The following KCNH5 variants were observed in gnomAD, a reference collection of about 807,000 sequenced individuals.
The protein encoded by KCNH5 is potassium voltage-gated channel subfamily H member 5, also known as voltage-gated delayed rectifier potassium channel KCNH5.
In KCNH5, 46 loss-of-function variants were observed where a neutral mutation model predicts 96.1. The ratio of observed to expected loss-of-function variants is 0.48; its 90% CI spans 0.38 to 0.61. KCNH5 has a LOEUF of 0.61. KCNH5 is among the 20% of genes least tolerant of loss of function. The probability of loss-of-function intolerance (pLI) is 0.00; values close to 1 mark genes in which losing one functional copy is unlikely to be tolerated. For missense variants in KCNH5, 907 were observed against 1,225.8 expected, an observed-to-expected ratio of 0.74 and a Z score of 3.88; for synonymous variants, 439 against 449.8, an observed-to-expected ratio of 0.98 and a Z score of 0.30.
intron 1 of KCNH5, among the ~76,000 whole-genome samples, chr14:63,023,361 T>C (rs2139614818): frequency 6.6e-6 from 1 of 152,336 alleles, no homozygotes; most frequent in Admixed American, 6.5e-5. Context: ...ATTATATGAA[T>C]AAGCCAATGA....
chr14:62,976,462 G>GGAGT (rs759011015), intron 6 of KCNH5, among the ~76,000 whole-genome samples: 3 of 150,732 alleles, frequency 2.0e-5, no homozygotes, highest in Admixed American at 2.0e-4. Context: ...CTGAATAAAA[G>GGAGT]GAGTTCCAGA....
chr14:62,740,177 A>G (rs1885241735), intron 10 of KCNH5, among the ~76,000 whole-genome samples: 1 of 152,204 alleles, frequency 6.6e-6, no homozygotes, highest in Admixed American at 6.5e-5. Flanking sequence ...TAAGATATCA[A>G]TGAATGTTTG....
Position 62,892,679 on chromosome 14 carries a change from G to T in KCNH5, c.1370-42827C>A, listed in dbSNP as rs1052641968. On this transcript the variant is annotated intron_variant, in intron 7 of 10. Coordinates refer to ENST00000322893, the MANE Select transcript of KCNH5 (RefSeq NM_139318.5). Reference sequence around the variant, plus strand: ...CTTGTCAGTAGTTAATGCAGCCAGTGACTTCATCTTGAAGCCAGAGCTCAC... The same window carrying T: ...CTTGTCAGTAGTTAATGCAGCCAGTTACTTCATCTTGAAGCCAGAGCTCAC... Among the ~76,000 whole-genome samples, 3 of 152,164 alleles carry T rather than the reference G, an allele frequency of 2.0e-5. 1 individual carries two copies. In the South Asian group the frequency reaches 6.2e-4, roughly 32 times the overall value.
At chr14:62,763,603 C>T (rs1434679191) in intron 10 of KCNH5, among the ~76,000 whole-genome samples, 2 of 152,020 alleles carry the variant, frequency 1.3e-5, no homozygotes, top group Non-Finnish European at 2.9e-5. Context: ...AAAGTTTTTC[C>T]TTTGAAAGAA....
chr14:62,899,856 TAA>T (rs1396810049), intron 7 of KCNH5, among the ~76,000 whole-genome samples: 1 of 151,636 alleles, frequency 6.6e-6, no homozygotes, highest in East Asian at 1.9e-4. Flanking sequence ...AAAATTGAAT[TAA>T]AAAAATTTTT....
At chr14:63,004,799 C>T (rs1891095643) in intron 3 of KCNH5, among the ~76,000 whole-genome samples, 1 of 152,034 alleles carries the variant, frequency 6.6e-6, no homozygotes, top group Non-Finnish European at 1.5e-5. Context: ...CAGGGTCTTG[C>T]TATGTCACCT....
At chr14:62,811,130 A>G (rs1247808124) in intron 8 of KCNH5, among the ~76,000 whole-genome samples, 1 of 152,198 alleles carries the variant, frequency 6.6e-6, no homozygotes, top group Non-Finnish European at 1.5e-5. Context: ...CAAATTCTTT[A>G]TGATATTCAC....
chr14:62,865,536 C>T (rs191696722), intron 7 of KCNH5, among the ~76,000 whole-genome samples: 23 of 152,180 alleles, frequency 1.5e-4, no homozygotes, highest in African/African-American at 5.5e-4. Context: ...AATCACAGGA[C>T]AGAGTGGCTA....
At chr14:62,724,477 C>T (rs1351020041) in intron 10 of KCNH5, among the ~76,000 whole-genome samples, 1 of 152,196 alleles carries the variant, frequency 6.6e-6, no homozygotes, top group African/African-American at 2.4e-5. Flanking sequence ...CCTAAGGTAA[C>T]TTCTTGCTAA....
At chr14:62,761,743 T>C (rs1054987899) in intron 10 of KCNH5, among the ~76,000 whole-genome samples, 9 of 152,010 alleles carry the variant, frequency 5.9e-5, no homozygotes, top group Non-Finnish European at 7.4e-5. Context: ...AAACGAGCCA[T>C]AAAATGTGGT....
intron 7 of KCNH5, among the ~76,000 whole-genome samples, chr14:62,895,845 T>C (rs1166971631): frequency 1.3e-5 from 2 of 152,172 alleles, no homozygotes; most frequent in African/African-American, 4.8e-5. Context: ...GGAACACCTC[T>C]ATGTAGCACA....
At position 62,771,000 on chromosome 14, in the gene KCNH5, A is replaced by G. The variant is rs539063322; in HGVS notation, c.2019+8728T>C. 3.9e-5 allele frequency among the ~76,000 whole-genome samples: 6 copies of G among 152,228 alleles called. No individual in the cohort carries two copies. The East Asian group carries it at 1.2e-3, about 30-fold the overall frequency. ...GTCATAATGATGAGGCTCTGATCCAATAGGACTTGTGTCTTTATAACAAGA... is the reference window on the plus strand; with the variant it reads ...GTCATAATGATGAGGCTCTGATCCAGTAGGACTTGTGTCTTTATAACAAGA... On this transcript the variant is annotated intron_variant, in intron 10 of 10. Coordinates refer to ENST00000322893, the MANE Select transcript of KCNH5 (RefSeq NM_139318.5).
chr14:62,978,016 CG>C (rs1314417800), intron 6 of KCNH5, among the ~76,000 whole-genome samples: 4 of 152,112 alleles, frequency 2.6e-5, no homozygotes, highest in African/African-American at 9.7e-5. Flanking sequence ...CAGACACTGA[CG>C]GGGAAGAGCC....
At chr14:62,908,782 A>ATTTTTTTTTTGT (rs1889082213) in intron 7 of KCNH5, among the ~76,000 whole-genome samples, 1 of 23,712 alleles carries the variant, frequency 4.2e-5, no homozygotes, top group Non-Finnish European at 7.0e-5. Flanking sequence ...TTTGCTTTGT[A>ATTTTTTTTTTGT]TTTTTTTTTT....
At position 62,890,481 on chromosome 14, in the gene KCNH5, G is replaced by A. The variant is rs369170646; in HGVS notation, c.1370-40629C>T. 4.3e-4 allele frequency among the ~76,000 whole-genome samples: 65 copies of A among 151,892 alleles called. 3 individuals are homozygous for A. The South Asian group carries it at 8.5e-3, about 20-fold the overall frequency. ...GAGGCCGAGGCGGGCGGATCACGAG[G>A]TCAGGAGATCGAGACCATCCCGGCT... On this transcript the variant is annotated intron_variant, in intron 7 of 10. Coordinates refer to ENST00000322893, the MANE Select transcript of KCNH5 (RefSeq NM_139318.5).
intron 9 of KCNH5, among the ~76,000 whole-genome samples, chr14:62,798,896 C>T (rs1314035045): frequency 6.6e-6 from 1 of 152,122 alleles, no homozygotes; most frequent in Admixed American, 6.5e-5. Flanking sequence ...AAATAACCTC[C>T]CTTCTCTACC....
At chr14:62,884,629 AAAAG>A (rs963486275) in intron 7 of KCNH5, among the ~76,000 whole-genome samples, 1 of 152,182 alleles carries the variant, frequency 6.6e-6, no homozygotes, top group African/African-American at 2.4e-5. Flanking sequence ...CTGTCTCAAA[AAAAG>A]AAAGAAAGAA....
At chr14:62,968,683 A>G (rs75611587) in intron 6 of KCNH5, among the ~76,000 whole-genome samples, 6,071 of 152,288 alleles carry the variant, frequency 0.04, 236 homozygotes, top group East Asian at 0.15. Flanking sequence ...AAGCATGTAT[A>G]GTTAGGAAAT....
At chr14:62,826,600 G>GT (rs1274928106) in intron 8 of KCNH5, among the ~76,000 whole-genome samples, 1 of 151,670 alleles carries the variant, frequency 6.6e-6, no homozygotes, top group African/African-American at 2.4e-5. Context: ...TTTTTGTTCT[G>GT]TTTTTTACTT....
Sources: gnomAD v4.1 joint callset for allele counts (sites outside exome capture counted in the v4.1 genomes callset) on GRCh38, gnomAD v4.1.1 for gene constraint, MANE v1.5 for transcripts, NCBI Gene and HGNC (gene_info 2026-07-23, HGNC 2026-07-21) for gene names.